Variants in DACH1 observed in about 807,000 individuals in gnomAD.
The protein encoded by DACH1 is dachshund family transcription factor 1.
DACH1 carries 12 observed loss-of-function variants against 54.2 expected under a neutral mutation model. That is an observed-to-expected ratio of 0.22 (90% CI 0.14 to 0.36). DACH1 has a LOEUF of 0.36. Among genes scored for constraint, DACH1 ranks in the 10% least tolerant of loss-of-function variants. The probability of loss-of-function intolerance (pLI) is 1.00; values close to 1 mark genes in which losing one functional copy is unlikely to be tolerated. For synonymous variants in DACH1, 386 were observed against 366.2 expected, an observed-to-expected ratio of 1.05 and a Z score of -0.62; for missense variants, 805 against 929.8, an observed-to-expected ratio of 0.87 and a Z score of 1.75.
chr13:71,631,218 C>T (rs546501442), intron 2 of DACH1, among the ~76,000 whole-genome samples: 1 of 152,318 alleles, frequency 6.6e-6, no homozygotes, highest in South Asian at 2.1e-4. Flanking sequence ...TGCTTTCACA[C>T]ATGCCATTCC....
At chr13:71,705,981 T>C (rs1181397034) in intron 1 of DACH1, among the ~76,000 whole-genome samples, 1 of 152,038 alleles carries the variant, frequency 6.6e-6, no homozygotes, top group Non-Finnish European at 1.5e-5. Flanking sequence ...TATATTTATT[T>C]TTCTTTTTAG....
intron 2 of DACH1, among the ~76,000 whole-genome samples, chr13:71,665,588 T>C (rs1163745101): frequency 6.6e-6 from 1 of 152,038 alleles, no homozygotes; most frequent in Non-Finnish European, 1.5e-5. Context: ...AACTTACATG[T>C]CCAATACATG....
chr13:71,843,713 G>A (rs572025579), intron 1 of DACH1, among the ~76,000 whole-genome samples: 96 of 152,222 alleles, frequency 6.3e-4, no homozygotes, highest in African/African-American at 2.2e-3. Context: ...CACATACAAG[G>A]GAGGCTGAAA....
chr13:71,845,233 T>A (rs1873151149), intron 1 of DACH1, among the ~76,000 whole-genome samples: 1 of 151,880 alleles, frequency 6.6e-6, no homozygotes, highest in Non-Finnish European at 1.5e-5. Context: ...AATTGTTATA[T>A]GTCAATTTTC....
intron 1 of DACH1, among the ~76,000 whole-genome samples, chr13:71,782,166 C>A (rs79912586): frequency 1.4e-3 from 219 of 152,262 alleles, no homozygotes; most frequent in Non-Finnish European, 2.7e-3. Flanking sequence ...TGTGGCTGGG[C>A]CTGGTGGCTG....
At position 71,442,388 on chromosome 13, in the gene DACH1, T is replaced by C. The variant is rs143858505; in HGVS notation, c.2084-1696A>G. Among the ~76,000 whole-genome samples the C allele has an allele frequency of 3.9e-3, 589 of 152,302 alleles. 1 individual carries two copies. The highest frequency in any genetic ancestry group is 0.013 in the African/African-American group (544 of 41,560). ...GACAGGATCTCATTCTTTTTATGGCTGAATAGTATTCTATTGCGTATGTGT... is the reference window on the plus strand; with the variant it reads ...GACAGGATCTCATTCTTTTTATGGCCGAATAGTATTCTATTGCGTATGTGT... On this transcript the variant is annotated intron_variant, in intron 10 of 10. Coordinates refer to ENST00000613252, the MANE Select transcript of DACH1 (RefSeq NM_080759.6).
intron 1 of DACH1, among the ~76,000 whole-genome samples, chr13:71,728,864 C>T (rs988007732): frequency 6.6e-6 from 1 of 151,872 alleles, no homozygotes; most frequent in Non-Finnish European, 1.5e-5. Context: ...AATAATAATG[C>T]TTATTTTATT....
intron 1 of DACH1, among the ~76,000 whole-genome samples, chr13:71,864,995 C>G (rs1488393349): frequency 6.6e-6 from 1 of 152,138 alleles, no homozygotes; most frequent in Non-Finnish European, 1.5e-5. Flanking sequence ...GAGAAAGAGA[C>G]AGAGAACTCG....
At chr13:71,754,211 C>T (rs1885046914) in intron 1 of DACH1, among the ~76,000 whole-genome samples, 1 of 152,122 alleles carries the variant, frequency 6.6e-6, no homozygotes, top group Non-Finnish European at 1.5e-5. Flanking sequence ...AGCTGGCTCA[C>T]CTGGTTAGTG....
chr13:71,717,539 CACACAT>C (rs1163828797), intron 1 of DACH1, among the ~76,000 whole-genome samples: 1 of 149,782 alleles, frequency 6.7e-6, no homozygotes, highest in Non-Finnish European at 1.5e-5. Context: ...CACACACACA[CACACAT>C]TAATTCTATG....
chr13:71,746,171 T>C (rs1014131219), intron 1 of DACH1, among the ~76,000 whole-genome samples: 2 of 152,148 alleles, frequency 1.3e-5, no homozygotes, highest in South Asian at 2.1e-4. Flanking sequence ...TGAGCCGAGA[T>C]TGCGCCACTG....
chr13:71,866,736 G>T lies in DACH1; in HGVS notation c.34C>A (p.Gln12Lys), dbSNP rs1277977083. The change falls in exon 1 of 11, where the codon CAG (glutamine) becomes AAG (lysine). Residue 12 changes from glutamine to lysine, a missense_variant. This residue lies in a region of DACH1 where 305 missense variants were observed against 308.7 expected (regional missense o/e 0.99). Coordinates refer to ENST00000613252, the MANE Select transcript of DACH1 (RefSeq NM_080759.6). ...AVPAALIPPTQLVPPQPPIST... is the reference protein window; with the variant it reads ...AVPAALIPPTKLVPPQPPIST... The stretch of plus-strand genomic sequence containing the variant: ...ATTGGGGGTTGAGGGGGGACCAGCT[G>T]GGTCGGAGGGATCAAAGCCGCCGGC... 1 of 1,427,988 alleles carries T rather than the reference G, an allele frequency of 7.0e-7. No individual in the cohort carries two copies. Among genetic ancestry groups the T allele is most frequent in the Non-Finnish European group, 9.2e-7 (1 of 1,081,838 alleles). The allele number at this position is 1,427,988 out of a possible 1,614,324, so 88.5% of individuals were successfully genotyped here.
chr13:71,697,813 G>C (rs968777128), intron 1 of DACH1, among the ~76,000 whole-genome samples: 2 of 152,008 alleles, frequency 1.3e-5, no homozygotes, highest in African/African-American at 4.8e-5. Context: ...AATACCATTG[G>C]AAGGCTATAT....
intron 10 of DACH1, among the ~76,000 whole-genome samples, chr13:71,451,976 T>C (rs1356119121): frequency 3.9e-5 from 6 of 152,210 alleles, no homozygotes; most frequent in Non-Finnish European, 8.8e-5. Flanking sequence ...TACTCTCAAA[T>C]GCTTCAGAAA....
At chr13:71,531,831 T>A (rs113954523) in intron 6 of DACH1, among the ~76,000 whole-genome samples, 1 of 151,966 alleles carries the variant, frequency 6.6e-6, no homozygotes, top group Admixed American at 6.6e-5. Flanking sequence ...AAAGACCTCT[T>A]TGGAATGCCT....
chr13:71,572,373 A>C (rs1233725381), intron 4 of DACH1, among the ~76,000 whole-genome samples: 1 of 152,160 alleles, frequency 6.6e-6, no homozygotes, highest in Non-Finnish European at 1.5e-5. Context: ...GGAAACTTCC[A>C]ATTTTATTAC....
chr13:71,605,206 C>T (rs1412317756), intron 3 of DACH1, among the ~76,000 whole-genome samples: 1 of 151,876 alleles, frequency 6.6e-6, no homozygotes, highest in Non-Finnish European at 1.5e-5. Flanking sequence ...TAATGTTTTA[C>T]ATGTTTAATA....
intron 2 of DACH1, among the ~76,000 whole-genome samples, chr13:71,671,469 C>T (rs1880201131): frequency 6.6e-6 from 1 of 151,840 alleles, no homozygotes; most frequent in Admixed American, 6.6e-5. Flanking sequence ...GAACAGGCAC[C>T]TTTTAACTAG....
intron 10 of DACH1, among the ~76,000 whole-genome samples, chr13:71,463,681 T>G (rs934457883): frequency 2.6e-5 from 4 of 151,996 alleles, no homozygotes; most frequent in Non-Finnish European, 4.4e-5. Flanking sequence ...AAATAATGCC[T>G]GTAAAAAAGT....
Sources: allele counts gnomAD v4.1 joint callset (sites outside exome capture counted in the v4.1 genomes callset), GRCh38; gene constraint gnomAD v4.1.1; regional missense constraint gnomAD v4.1.1; transcripts MANE v1.5; gene names NCBI Gene and HGNC (gene_info 2026-07-23, HGNC 2026-07-21).